The following PDE4B variants were observed in gnomAD, a reference collection of about 807,000 sequenced individuals.
PDE4B encodes phosphodiesterase 4B.
A neutral mutation model predicts 82.2 loss-of-function variants in PDE4B; 20 were observed. The ratio of observed to expected loss-of-function variants is 0.24; its 90% CI spans 0.17 to 0.35. The LOEUF (loss-of-function observed/expected upper bound fraction) is 0.35. PDE4B is among the 10% of genes least tolerant of loss of function. The pLI, the probability that PDE4B is intolerant of heterozygous loss-of-function variation, is 1.00. For missense variants in PDE4B, 655 were observed against 907.2 expected (o/e 0.72, Z 3.57); for synonymous variants, 320 against 318.9 (o/e 1.00, Z -0.04).
At chr1:66,280,174 A>G (rs769050306) in intron 7 of PDE4B, among the ~76,000 whole-genome samples, 22 of 152,242 alleles carry the variant, frequency 1.4e-4, no homozygotes, top group Non-Finnish European at 2.8e-4. Context: ...TAAAATAATC[A>G]TTCATCCTAG....
intron 1 of PDE4B, among the ~76,000 whole-genome samples, chr1:65,887,414 GTTT>G (rs34263724): frequency 0.014 from 105 of 7,734 alleles, 8 homozygotes; most frequent in African/African-American, 0.076. Flanking sequence ...TTTTTCTTCT[GTTT>G]TTTTTTTTTT....
intron 3 of PDE4B, chr1:65,992,626 T>C: frequency 3.1e-6 from 2 of 651,568 alleles, no homozygotes; most frequent in African/African-American, 1.9e-5. Context: ...AGTGTGTAGC[T>C]TGCAGACAAA....
chr1:65,862,962 G>C (rs1646471504), intron 1 of PDE4B, among the ~76,000 whole-genome samples: 1 of 151,922 alleles, frequency 6.6e-6, no homozygotes, highest in Non-Finnish European at 1.5e-5. Context: ...TCTGTGTAGT[G>C]GTCTATCTAT....
At chr1:66,031,320 A>T (rs114190221) in intron 3 of PDE4B, among the ~76,000 whole-genome samples, 1 of 152,326 alleles carries the variant, frequency 6.6e-6, no homozygotes, top group Non-Finnish European at 1.5e-5. Flanking sequence ...TCATTCCTTT[A>T]TAGAGAAGAG....
chr1:66,284,287 A>G (rs1368505694), intron 7 of PDE4B, among the ~76,000 whole-genome samples: 1 of 152,182 alleles, frequency 6.6e-6, no homozygotes, highest in Admixed American at 6.5e-5. Flanking sequence ...GTCATTCATT[A>G]TACGCCAAGT....
chr1:66,033,488 T>C (rs1032327203), intron 3 of PDE4B, among the ~76,000 whole-genome samples: 47 of 152,220 alleles, frequency 3.1e-4, no homozygotes, highest in Admixed American at 6.5e-5. Flanking sequence ...CTTTATTCAC[T>C]ACTAACTCCC....
rs374081105 is a variant in PDE4B at position 66,000,361 on chromosome 1, A to T, written c.281+81526A>T. 3.9e-5 allele frequency among the ~76,000 whole-genome samples: 6 copies of T among 152,240 alleles called. No individual in the cohort carries two copies. The East Asian group carries it at 5.8e-4, about 15-fold the overall frequency. On this transcript the variant is annotated intron_variant, in intron 3 of 16. Coordinates refer to ENST00000341517, the MANE Select transcript of PDE4B (RefSeq NM_002600.4). ...CATTTACAATATTAACTCTAGCAGCAGCTACAGCAATTTGAGCTTTTAATA... is the reference window on the plus strand; with the variant it reads ...CATTTACAATATTAACTCTAGCAGCTGCTACAGCAATTTGAGCTTTTAATA...
At position 66,368,984 on chromosome 1, in the gene PDE4B, A is replaced by T. The variant is rs1015274985; in HGVS notation, c.1845+15A>T. The stretch of plus-strand genomic sequence containing the variant: ...AAAAATCCCAGGTATCTAATATGAG[A>T]TTTTCAAAGTTTTTGTGAGCTCTGC... On this transcript the variant is annotated intron_variant, in intron 16 of 16. Transcript: ENST00000341517. 1.3e-6 allele frequency: 2 copies of T among 1,587,214 alleles called. No homozygotes were observed. The highest frequency in any genetic ancestry group is 2.3e-5 in the East Asian group (1 of 44,334).
At chr1:66,011,241 A>G (rs1652470963) in intron 3 of PDE4B, among the ~76,000 whole-genome samples, 1 of 144,212 alleles carries the variant, frequency 6.9e-6, no homozygotes, top group East Asian at 2.0e-4. Flanking sequence ...AAAAAAAAAG[A>G]ACTGGTGAGT....
intron 3 of PDE4B, among the ~76,000 whole-genome samples, chr1:66,205,716 A>C (rs1649490932): frequency 6.6e-6 from 1 of 152,238 alleles, no homozygotes; most frequent in Non-Finnish European, 1.5e-5. Context: ...GAAAGATGGC[A>C]TTATAATTCA....
chr1:66,181,105 A>T (rs893923602), intron 3 of PDE4B, among the ~76,000 whole-genome samples: 3 of 152,202 alleles, frequency 2.0e-5, no homozygotes, highest in African/African-American at 7.2e-5. Context: ...GACAGGAATG[A>T]TGAATCTAGT....
intron 7 of PDE4B, among the ~76,000 whole-genome samples, chr1:66,283,097 C>T (rs58163502): frequency 0.018 from 2,683 of 152,244 alleles, 82 homozygotes; most frequent in African/African-American, 0.062. Flanking sequence ...TGGTGCCTGA[C>T]CTAAGCTTAA....
intron 7 of PDE4B, among the ~76,000 whole-genome samples, chr1:66,301,598 A>G (rs1264958519): frequency 6.6e-6 from 1 of 151,756 alleles, no homozygotes; most frequent in Non-Finnish European, 1.5e-5. Flanking sequence ...TTGCCAGTCC[A>G]TATTTTTTTT....
rs148750650 is a variant in PDE4B at position 66,141,940 on chromosome 1, T to C, written c.282-105520T>C. On this transcript the variant is annotated intron_variant, in intron 3 of 16. Coordinates refer to ENST00000341517, the MANE Select transcript of PDE4B (RefSeq NM_002600.4). ...GTTCCAAATCGAATATTACTTTTAT[T>C]CCCCCCACCAAACTTAACTACTAAT... 1.7e-3 allele frequency among the ~76,000 whole-genome samples: 259 copies of C among 152,012 alleles called. 1 individual carries two copies. The highest frequency in any genetic ancestry group is 5.9e-3 in the African/African-American group (245 of 41,448).
intron 3 of PDE4B, among the ~76,000 whole-genome samples, chr1:66,159,538 G>A (rs1203592169): frequency 6.6e-6 from 1 of 152,006 alleles, no homozygotes; most frequent in Non-Finnish European, 1.5e-5. Context: ...ACCACACCTG[G>A]CCAAAATAAA....
At chr1:66,279,523 G>A (rs1656134224) in intron 7 of PDE4B, among the ~76,000 whole-genome samples, 1 of 152,108 alleles carries the variant, frequency 6.6e-6, no homozygotes, top group Admixed American at 6.5e-5. Context: ...TGCTCAGGAG[G>A]CTGAGGCAAG....
intron 1 of PDE4B, among the ~76,000 whole-genome samples, chr1:65,885,383 A>G (rs953011181): frequency 1.3e-5 from 2 of 152,184 alleles, no homozygotes; most frequent in African/African-American, 2.4e-5. Flanking sequence ...AGGATTATAA[A>G]TCATGCTGCT....
intron 3 of PDE4B, among the ~76,000 whole-genome samples, chr1:66,169,279 T>C (rs1484941847): frequency 1.3e-5 from 2 of 152,204 alleles, no homozygotes; most frequent in Non-Finnish European, 2.9e-5. Flanking sequence ...TCAGTGGCCT[T>C]TAAGTGCTAT....
chr1:66,319,577 G>A (rs374593786), intron 7 of PDE4B, among the ~76,000 whole-genome samples: 2 of 152,176 alleles, frequency 1.3e-5, no homozygotes, highest in Admixed American at 6.6e-5. Flanking sequence ...TATATCAAGA[G>A]CACTGAACTT....
Sources: gnomAD v4.1 joint callset for allele counts (sites outside exome capture counted in the v4.1 genomes callset) on GRCh38, gnomAD v4.1.1 for gene constraint, MANE v1.5 for transcripts, NCBI Gene and HGNC (gene_info 2026-07-23, HGNC 2026-07-21) for gene names.